Variants in PHF5A observed in about 807,000 individuals in gnomAD.
The protein encoded by PHF5A is PHD finger protein 5A.
For missense variants in PHF5A, 24 were observed against 140.6 expected, an observed-to-expected ratio of 0.17 and a Z score of 4.19; for synonymous variants, 52 against 46.0, an observed-to-expected ratio of 1.13 and a Z score of -0.52.
chr22:41,461,152 A>G (rs981498428), intron 3 of PHF5A, among the ~76,000 whole-genome samples: 4 of 152,156 alleles, frequency 2.6e-5, no homozygotes, highest in African/African-American at 9.7e-5. Flanking sequence ...CAGCCTGGGT[A>G]ACAAGAGAGA....
At chr22:41,461,380 A>T (rs2037826059) in intron 3 of PHF5A, among the ~76,000 whole-genome samples, 1 of 145,938 alleles carries the variant, frequency 6.9e-6, no homozygotes, top group South Asian at 2.2e-4. Context: ...CAGTTGAGGT[A>T]GACTATGAAA....
intron 3 of PHF5A, among the ~76,000 whole-genome samples, chr22:41,461,605 G>A (rs1953239893): frequency 6.6e-6 from 1 of 151,978 alleles, no homozygotes; most frequent in South Asian, 2.1e-4. Flanking sequence ...CAACCCGCCT[G>A]CCTCAGCCTC....
At position 41,460,322 on chromosome 22, in the gene PHF5A, C is replaced by G; in HGVS notation, c.*76G>C. 8.0e-7 allele frequency: 1 copy of G among 1,257,210 alleles called. No individual in the cohort carries two copies. Among genetic ancestry groups the G allele is most frequent in the African/African-American group, 1.5e-5 (1 of 67,744 alleles). The allele number at this position is 1,257,210 out of a possible 1,614,324, so 77.9% of individuals were successfully genotyped here. A position where few individuals can be genotyped will look rare whatever the true frequency, so the allele number is the denominator to read the frequency against. ...TGATGCTCTGGGCTCTGCTCCCTTT[C>G]TGCTGGTAGTAGTAGGCATGTTTTC... On this transcript the variant is annotated 3_prime_UTR_variant, in exon 4 of 4. Coordinates refer to ENST00000216252, the MANE Select transcript of PHF5A (RefSeq NM_032758.4).
At chr22:41,468,395 T>C in intron 1 of PHF5A, 1 of 415,264 alleles carries the variant, frequency 2.4e-6, no homozygotes, top group Non-Finnish European at 4.5e-6. Flanking sequence ...CACCCCCCGA[T>C]ACCTGCCTGG....
chr22:41,461,038 T>C (rs374980650), intron 3 of PHF5A, among the ~76,000 whole-genome samples: 5 of 151,998 alleles, frequency 3.3e-5, no homozygotes, highest in South Asian at 4.1e-4. Context: ...CCAGACGTGG[T>C]GGTGCGTGCC....
intron 1 of PHF5A, 106 bp from the exon 2 acceptor site, chr22:41,468,253 G>T: frequency 9.6e-7 from 1 of 1,037,562 alleles, no homozygotes; most frequent in Admixed American, 2.1e-5. Flanking sequence ...GGACTGCAGT[G>T]AGTGAGACCT....
intron 1 of PHF5A, 38 bp downstream of exon 1, chr22:41,468,564 C>G (rs766863111): frequency 1.2e-6 from 2 of 1,612,134 alleles, no homozygotes; most frequent in Admixed American, 3.3e-5. Context: ...CCTAATACCA[C>G]CCCTGCCCAG....
intron 3 of PHF5A, among the ~76,000 whole-genome samples, chr22:41,465,461 C>T (rs538884788): frequency 6.6e-6 from 1 of 152,248 alleles, no homozygotes; most frequent in East Asian, 1.9e-4. Flanking sequence ...CTGTGCCTGG[C>T]CCAATGGTGT....
intron 3 of PHF5A, among the ~76,000 whole-genome samples, chr22:41,464,941 G>A (rs776279255): frequency 1.3e-5 from 2 of 152,190 alleles, no homozygotes; most frequent in Non-Finnish European, 2.9e-5. Context: ...GTCAGGCACT[G>A]TATCATGACC....
intron 3 of PHF5A, among the ~76,000 whole-genome samples, chr22:41,463,517 G>C (rs534877275): frequency 5.3e-5 from 8 of 151,898 alleles, no homozygotes; most frequent in Non-Finnish European, 1.0e-4. Flanking sequence ...CACAAGGTCA[G>C]GAGTTCAAGA....
intron 1 of PHF5A, chr22:41,468,381 A>G (rs984249020): frequency 1.6e-6 from 1 of 617,988 alleles, no homozygotes; most frequent in Non-Finnish European, 2.8e-6. Flanking sequence ...CCTGGTTCAG[A>G]CCCCACCCCC....
chr22:41,468,179 T>C, intron 1 of PHF5A, 32 bp from the exon 2 acceptor site: 2 of 1,612,446 alleles, frequency 1.2e-6, no homozygotes, highest in Non-Finnish European at 8.5e-7. Flanking sequence ...AAAGTACAAT[T>C]AGAATAAAGG....
At chr22:41,468,437 T>C in intron 1 of PHF5A, 165 bp downstream of exon 1, 1 of 710,676 alleles carries the variant, frequency 1.4e-6, no homozygotes, top group East Asian at 3.1e-5. Context: ...CGCCCTCTTC[T>C]CATCAGAGGC....
chr22:41,467,799 A>G (rs1238867428), intron 2 of PHF5A, among the ~76,000 whole-genome samples, 185 bp from the exon 3 acceptor site: 1 of 152,184 alleles, frequency 6.6e-6, no homozygotes, highest in Non-Finnish European at 1.5e-5. Context: ...CTCAACACAT[A>G]CAAAAGTTTA....
At chr22:41,460,649 T>A (rs1030125345) in intron 3 of PHF5A, among the ~76,000 whole-genome samples, 162 bp from the exon 4 acceptor site, 3 of 150,424 alleles carry the variant, frequency 2.0e-5, no homozygotes, top group Non-Finnish European at 4.4e-5. Flanking sequence ...TCGAGACTAG[T>A]GGGCTATGAT....
chr22:41,467,415 G>A (rs766949879), intron 3 of PHF5A, 33 bp downstream of exon 3: 65 of 1,606,238 alleles, frequency 4.0e-5, no homozygotes, highest in Non-Finnish European at 5.1e-5. Flanking sequence ...TAAACAAAAG[G>A]AGGAAAGGTC....
intron 1 of PHF5A, 88 bp downstream of exon 1, chr22:41,468,514 A>G (rs551899908): frequency 2.1e-6 from 3 of 1,432,250 alleles, no homozygotes; most frequent in Non-Finnish European, 2.9e-6. Context: ...CTGCGAGGCA[A>G]GCCCCTAAGG....
At position 41,468,156 on chromosome 22, in the gene PHF5A, T is replaced by C. The variant is rs2146066587; in HGVS notation, c.53-9A>G. 6.2e-7 allele frequency: 1 copy of C among 1,613,754 alleles called. No individual in the cohort carries two copies. The highest frequency in any genetic ancestry group is 2.2e-5 in the East Asian group (1 of 44,876). On this transcript the variant is annotated splice_polypyrimidine_tract_variant and intron_variant, in intron 1 of 3. Transcript: ENST00000216252. ...ACACAGTCTTCCGATGGCTGCAAGA[T>C]GAAAGATGGTAAAAAGTACAATTAG...
At chr22:41,467,758 A>G in intron 2 of PHF5A, 144 bp from the exon 3 acceptor site, 2 of 997,636 alleles carry the variant, frequency 2.0e-6, no homozygotes, top group South Asian at 3.3e-5. Flanking sequence ...GCATCACAAA[A>G]CTTGGTTTCC....
Sources: allele counts gnomAD v4.1 joint callset (sites outside exome capture counted in the v4.1 genomes callset), GRCh38; gene constraint gnomAD v4.1.1; transcripts MANE v1.5; gene names NCBI Gene and HGNC (gene_info 2026-07-23, HGNC 2026-07-21).